ZMYND12: variants seen among roughly 807,000 people sequenced by gnomAD.
ZMYND12 encodes the protein zinc finger MYND-type containing 12.
ZMYND12 carries 32 observed loss-of-function variants against 41.7 expected under a neutral mutation model. The observed-to-expected ratio is 0.77, with a 90% CI of 0.58 to 1.03. ZMYND12 has a LOEUF of 1.03. ZMYND12 is among the 50% of genes least tolerant of loss of function. ZMYND12 has a pLI of 0.00. For synonymous variants in ZMYND12, 148 were observed against 164.8 expected (o/e 0.90, Z 0.78); for missense variants, 424 against 438.5 (o/e 0.97, Z 0.30).
In ZMYND12 at chr1:42,436,695, A is replaced by T. The variant is rs1026846754; in HGVS notation, c.595-152T>A. ...TCTGAATTGACATTTCTCCAAAAAG[A>T]TATTCAGATGAATAATAAGCACATG... On this transcript the variant is annotated intron_variant, in intron 4 of 7. Coordinates refer to ENST00000372565, the MANE Select transcript of ZMYND12 (RefSeq NM_032257.5). 12 of 927,328 alleles carry T rather than the reference A, an allele frequency of 1.3e-5. No individual in the cohort carries two copies. In the African/African-American group the frequency reaches 1.8e-4, roughly 14 times the overall value. 57.4% of individuals were successfully genotyped at this position (927,328 alleles called of 1,614,324 possible).
intron 6 of ZMYND12, among the ~76,000 whole-genome samples, chr1:42,433,700 A>C (rs913461222): frequency 1.3e-5 from 2 of 152,218 alleles, no homozygotes; most frequent in Non-Finnish European, 2.9e-5. Context: ...AACTGGGGGA[A>C]GGGACTTCTT....
chr1:42,438,519 CA>C (rs904324448), intron 4 of ZMYND12, among the ~76,000 whole-genome samples: 7 of 152,068 alleles, frequency 4.6e-5, no homozygotes, highest in Non-Finnish European at 8.8e-5. Context: ...CCTGACAGAT[CA>C]GGGGTGGGGC....
intron 1 of ZMYND12, among the ~76,000 whole-genome samples, chr1:42,451,501 CAGAT>C (rs1480428859): frequency 3.3e-5 from 5 of 152,078 alleles, no homozygotes; most frequent in Admixed American, 2.6e-4. Flanking sequence ...TGTAAAGGGT[CAGAT>C]AAATATTTTA....
intron 1 of ZMYND12, among the ~76,000 whole-genome samples, chr1:42,453,242 AAAGC>A (rs1447560414): frequency 4.6e-5 from 7 of 152,254 alleles, no homozygotes; most frequent in African/African-American, 7.2e-5. Flanking sequence ...AAGAGAATTA[AAAGC>A]AAGTAAAAGA....
At chr1:42,435,460 G>C (rs1017312864) in intron 5 of ZMYND12, 75 bp from the exon 6 acceptor site, 1 of 1,161,756 alleles carries the variant, frequency 8.6e-7, no homozygotes, top group African/African-American at 1.5e-5. Context: ...GAGGAGAGTA[G>C]CGCATTTGGC....
intron 3 of ZMYND12, among the ~76,000 whole-genome samples, chr1:42,447,603 C>G (rs1273566685): frequency 6.6e-6 from 1 of 152,200 alleles, no homozygotes; most frequent in Non-Finnish European, 1.5e-5. Context: ...CAATATATCT[C>G]ATTTACTAAG....
intron 3 of ZMYND12, among the ~76,000 whole-genome samples, chr1:42,446,961 AC>A (rs759186593): frequency 6.6e-5 from 10 of 152,198 alleles, no homozygotes; most frequent in Admixed American, 1.3e-4. Context: ...CAAATCAGGG[AC>A]AGTTTGAGGA....
At chr1:42,455,766 C>A in intron 1 of ZMYND12, 122 bp downstream of exon 1, 1 of 677,898 alleles carries the variant, frequency 1.5e-6, no homozygotes, top group Non-Finnish European at 2.5e-6. Flanking sequence ...TGTCTTAAAG[C>A]CGTTTTGAGG....
chr1:42,440,972 T>C (rs1570350522), intron 3 of ZMYND12, among the ~76,000 whole-genome samples: 1 of 152,144 alleles, frequency 6.6e-6, no homozygotes, highest in Non-Finnish European at 1.5e-5. Context: ...CTGGCCTTAA[T>C]TGTTCTTTAA....
chr1:42,453,728 G>A (rs992839190), intron 1 of ZMYND12, among the ~76,000 whole-genome samples: 9 of 152,206 alleles, frequency 5.9e-5, no homozygotes, highest in Admixed American at 2.0e-4. Flanking sequence ...TTTTACCCAC[G>A]GCGGTTTACT....
intron 6 of ZMYND12, among the ~76,000 whole-genome samples, chr1:42,433,961 T>G (rs1226776073): frequency 2.0e-5 from 3 of 152,182 alleles, no homozygotes; most frequent in Admixed American, 2.0e-4. Flanking sequence ...GATTTCCAAG[T>G]TTTCAGCTAT....
chr1:42,441,872 G>A (rs374934445), intron 3 of ZMYND12, among the ~76,000 whole-genome samples: 23 of 152,150 alleles, frequency 1.5e-4, no homozygotes, highest in East Asian at 7.7e-4. Context: ...CGCCCGCCTC[G>A]GCCTCCCAAA....
intron 6 of ZMYND12, 29 bp downstream of exon 6, chr1:42,435,245 C>T: frequency 6.5e-7 from 1 of 1,533,806 alleles, no homozygotes; most frequent in South Asian, 1.1e-5. Flanking sequence ...GAAGTCACTG[C>T]TCTCCCTTCA....
At chr1:42,443,015 T>C (rs1052057743) in intron 3 of ZMYND12, among the ~76,000 whole-genome samples, 1 of 152,164 alleles carries the variant, frequency 6.6e-6, no homozygotes, top group African/African-American at 2.4e-5. Context: ...TTAACTAAGA[T>C]TGTTTAGATG....
chr1:42,437,469 T>C (rs1222430989), intron 4 of ZMYND12, among the ~76,000 whole-genome samples: 3 of 151,574 alleles, frequency 2.0e-5, no homozygotes, highest in Non-Finnish European at 2.9e-5. Context: ...TGTGTGTGTG[T>C]GTGTGTGTGT....
In ZMYND12 at chr1:42,450,853, T is replaced by A. The variant is rs898963722; in HGVS notation, c.111-794A>T. ...GTAATTTCTTCTGTGACTCATTGGT[T>A]AAGAGTGTGTTATTTCTACATATTT... On this transcript the variant is annotated intron_variant, in intron 1 of 7. Coordinates refer to ENST00000372565, the MANE Select transcript of ZMYND12 (RefSeq NM_032257.5). Among the ~76,000 whole-genome samples, 18 of 152,348 alleles carry A rather than the reference T, an allele frequency of 1.2e-4. No individual in the cohort carries two copies. The South Asian group carries it at 3.7e-3, about 32-fold the overall frequency.
At chr1:42,445,128 C>T (rs1037320289) in intron 3 of ZMYND12, among the ~76,000 whole-genome samples, 11 of 149,194 alleles carry the variant, frequency 7.4e-5, no homozygotes, top group Middle Eastern at 3.2e-3. Context: ...GTTCTTTAAA[C>T]AAGTATATTA....
chr1:42,439,640 G>A (rs1445631517), intron 4 of ZMYND12, among the ~76,000 whole-genome samples: 1 of 152,196 alleles, frequency 6.6e-6, no homozygotes, highest in Non-Finnish European at 1.5e-5. Context: ...TCAGGAATAT[G>A]TGACCTGGCC....
At chr1:42,451,807 G>T (rs1557771718) in intron 1 of ZMYND12, among the ~76,000 whole-genome samples, 1 of 152,106 alleles carries the variant, frequency 6.6e-6, no homozygotes, top group African/African-American at 2.4e-5. Context: ...TATCAAGTGG[G>T]GCTTGTAAGC....
Sources: allele counts gnomAD v4.1 joint callset (sites outside exome capture counted in the v4.1 genomes callset), GRCh38; gene constraint gnomAD v4.1.1; transcripts MANE v1.5; gene names NCBI Gene and HGNC (gene_info 2026-07-23, HGNC 2026-07-21).